CD163L1: variants seen among roughly 807,000 people sequenced by gnomAD.
The protein encoded by CD163L1 is CD163 molecule like 1.
A neutral mutation model predicts 165.4 loss-of-function variants in CD163L1; 124 were observed. That is an observed-to-expected ratio of 0.75 (90% CI 0.65 to 0.87). CD163L1 has a LOEUF of 0.87. CD163L1 is among the 40% of genes least tolerant of loss of function. The pLI is 0.00. For synonymous variants in CD163L1, 585 were observed against 662.2 expected, an observed-to-expected ratio of 0.88 and a Z score of 1.79; for missense variants, 1,525 against 1,799.9, an observed-to-expected ratio of 0.85 and a Z score of 2.76.
At chr12:7,419,092 AT>A in intron 4 of CD163L1, among the ~76,000 whole-genome samples, 1 of 151,808 alleles carries the variant, frequency 6.6e-6, no homozygotes, top group Non-Finnish European at 1.5e-5. Context: ...TGCCTGATAA[AT>A]CTAGATGCAA....
In CD163L1 at chr12:7,398,234, C is replaced by A; in HGVS notation, c.1729+30G>T. ...CTATGAGGAATACTATTTCTCTTAT[C>A]AGGAAATAATAAACAAGAACAAGTC... On this transcript the variant is annotated intron_variant, in intron 7 of 19. Transcript: ENST00000313599. This position sits in a 1 kb window ranked among gnomAD's most constrained non-coding sequence, Gnocchi z 4.5. The A allele has an allele frequency of 6.4e-7, 1 of 1,571,788 alleles. No homozygotes were observed. Among genetic ancestry groups the A allele is most frequent in the South Asian group, 1.2e-5 (1 of 85,302 alleles).
At chr12:7,426,445 C>T (rs183248129) in intron 4 of CD163L1, among the ~76,000 whole-genome samples, 1 of 151,968 alleles carries the variant, frequency 6.6e-6, no homozygotes, top group East Asian at 1.9e-4. Flanking sequence ...TATCCCAGAA[C>T]TTAAAGTAAA....
At chr12:7,334,535 T>G in the CD163L1 span, among the ~76,000 whole-genome samples, 1 of 152,294 alleles carries the variant, frequency 6.6e-6, no homozygotes, top group Middle Eastern at 3.4e-3. Flanking sequence ...GTCAATATCA[T>G]ACTGAATGGG....
intron 4 of CD163L1, among the ~76,000 whole-genome samples, chr12:7,413,896 AG>A (rs1948185395): frequency 3.3e-5 from 5 of 152,210 alleles, no homozygotes; most frequent in Admixed American, 3.3e-4. Flanking sequence ...AGGGAACAAA[AG>A]GGGTGGATTA....
chr12:7,425,521 A>T (rs1398923417), intron 4 of CD163L1, among the ~76,000 whole-genome samples: 2 of 152,246 alleles, frequency 1.3e-5, no homozygotes, highest in African/African-American at 4.8e-5. Flanking sequence ...GCTCTGCAAA[A>T]GAAGTGAACA....
At chr12:7,356,520 T>A (rs991708639) in intron 19 of CD163L1, among the ~76,000 whole-genome samples, 1 of 152,168 alleles carries the variant, frequency 6.6e-6, no homozygotes, top group African/African-American at 2.4e-5. Flanking sequence ...ATATGACTTA[T>A]CTTTGCTCCC....
chr12:7,343,317 T>A (rs1946649314), downstream of CD163L1, among the ~76,000 whole-genome samples: 1 of 152,230 alleles, frequency 6.6e-6, no homozygotes, highest in Non-Finnish European at 1.5e-5. Context: ...CACTGTCTCA[T>A]AATTATAACA....
chr12:7,321,601 T>A, the CD163L1 span, among the ~76,000 whole-genome samples: 1 of 152,238 alleles, frequency 6.6e-6, no homozygotes, highest in Non-Finnish European at 1.5e-5. Flanking sequence ...ATTCAGGGAC[T>A]ATTCAATGAT....
rs905212140 is a variant in CD163L1, at chr12:7,369,975, A to G, written c.3731-310T>C. 6.6e-6 allele frequency among the ~76,000 whole-genome samples: 1 copy of G among 152,194 alleles called. No individual in the cohort carries two copies. The highest frequency in any genetic ancestry group is 2.1e-4 in the South Asian group (1 of 4,834). ...TTCATTTTCCAAATTTCAGTGTCCT[A>G]TCTGACCCAAACATCCTATCTTGCC... is the stretch of plus-strand genomic sequence containing the variant. On this transcript the variant is annotated intron_variant, in intron 14 of 19. Coordinates refer to ENST00000313599, the MANE Select transcript of CD163L1 (RefSeq NM_174941.6). This position sits in a 1 kb window ranked among gnomAD's most constrained non-coding sequence, Gnocchi z 4.9.
chr12:7,430,746 G>A (rs1050919131), intron 4 of CD163L1, among the ~76,000 whole-genome samples: 10 of 152,088 alleles, frequency 6.6e-5, no homozygotes, highest in African/African-American at 2.4e-4. Flanking sequence ...TTAAGATGAT[G>A]TTAATGGATA....
At chr12:7,407,202 C>T (rs1010912122) in intron 4 of CD163L1, among the ~76,000 whole-genome samples, 1 of 152,020 alleles carries the variant, frequency 6.6e-6, no homozygotes, top group African/African-American at 2.4e-5. Context: ...CTGAGTCTAG[C>T]CAGCAAACAT....
At chr12:7,350,190 A>G (rs1946697914), downstream of CD163L1, among the ~76,000 whole-genome samples, 1 of 152,220 alleles carries the variant, frequency 6.6e-6, no homozygotes, top group Non-Finnish European at 1.5e-5. Flanking sequence ...TTGCAGAAGC[A>G]GTTCCAGAAG....
At chr12:7,334,689 G>A in the CD163L1 span, among the ~76,000 whole-genome samples, 1 of 152,182 alleles carries the variant, frequency 6.6e-6, no homozygotes, top group Non-Finnish European at 1.5e-5. Flanking sequence ...TAGGAAAAGA[G>A]GAAGTCAAAT....
At position 7,379,420 on chromosome 12, in the gene CD163L1, G is replaced by A. The variant is rs368976754; in HGVS notation, c.2051-122C>T. On this transcript the variant is annotated intron_variant, in intron 8 of 19. Coordinates refer to ENST00000313599, the MANE Select transcript of CD163L1 (RefSeq NM_174941.6). Reference sequence around the variant, plus strand: ...AAAGTTGAGAGATTGTTTAGGTCCCGGCTTCACCAGTGTTTAATTTTATTT... The same window carrying A: ...AAAGTTGAGAGATTGTTTAGGTCCCAGCTTCACCAGTGTTTAATTTTATTT... The A allele has an allele frequency of 3.8e-4, 333 of 868,956 alleles. 1 individual carries two copies. In the African/African-American group the frequency reaches 4.8e-3, roughly 12 times the overall value. 53.8% of individuals were successfully genotyped at this position (868,956 alleles called of 1,614,324 possible). A position where few individuals can be genotyped will look rare whatever the true frequency, so the allele number is the denominator to read the frequency against.
chr12:7,378,992 C>A lies in CD163L1; in HGVS notation c.2357G>T (p.Ser786Ile), dbSNP rs1485699052. 6 of 1,604,350 alleles carry A rather than the reference C, an allele frequency of 3.7e-6. No individual in the cohort carries two copies. Among genetic ancestry groups the A allele is most frequent in the Non-Finnish European group, 5.1e-6 (6 of 1,171,718 alleles). ...QTACHLNMEA[S>I]LICSAHRQPR... is the part of the protein sequence containing the mutation. ...CCAGAAATTACCTGAGCAGATCAAA[C>A]TTGCTTCCATATTTAAATGACACGC... is the stretch of plus-strand genomic sequence containing the variant. Residue 786 changes from serine (S) to isoleucine (I), a missense_variant, in exon 9 of 20, where the codon AGT becomes ATT. Transcript: ENST00000313599.
intron 2 of CD163L1, chr12:7,438,731 T>C (rs746709879): frequency 2.9e-6 from 3 of 1,029,788 alleles, no homozygotes; most frequent in Admixed American, 5.5e-5. Flanking sequence ...TTGTGAAATG[T>C]CTTGGCCACT....
the CD163L1 span, among the ~76,000 whole-genome samples, chr12:7,331,346 T>G: frequency 6.6e-6 from 1 of 152,202 alleles, no homozygotes; most frequent in Admixed American, 6.5e-5. Context: ...CTCTGTAGGC[T>G]CCACCTCTGG....
the CD163L1 span, among the ~76,000 whole-genome samples, chr12:7,327,357 T>C: frequency 1.3e-5 from 2 of 152,176 alleles, no homozygotes; most frequent in African/African-American, 4.8e-5. Flanking sequence ...TCCCATTCTG[T>C]ATGAGAAAAA....
intron 8 of CD163L1, among the ~76,000 whole-genome samples, chr12:7,384,180 T>A (rs953963013): frequency 4.1e-5 from 6 of 146,912 alleles, no homozygotes; most frequent in African/African-American, 1.6e-4. Flanking sequence ...ATAAAAAAAA[T>A]CAAATAAAGC....
Sources: gnomAD v4.1 joint callset for allele counts (sites outside exome capture counted in the v4.1 genomes callset) on GRCh38, gnomAD v4.1.1 for gene constraint, Gnocchi (gnomAD v3.1) non-coding constraint, MANE v1.5 for transcripts, NCBI Gene and HGNC (gene_info 2026-07-23, HGNC 2026-07-21) for gene names.